Variants in TPRG1 observed in about 807,000 individuals in gnomAD.
TPRG1 encodes tumor protein p63-regulated gene 1 protein.
TPRG1 carries 29 observed loss-of-function variants against 29.3 expected under a neutral mutation model. The observed-to-expected ratio is 0.99, with a 90% CI of 0.74 to 1.35. TPRG1 has a LOEUF of 1.35. TPRG1 is among the 40% of genes most tolerant of loss of function. The pLI, the probability that TPRG1 is intolerant of heterozygous loss-of-function variation, is 0.00. For missense variants in TPRG1, 327 were observed against 335.0 expected (o/e 0.98, Z 0.19); for synonymous variants, 130 against 116.8 (o/e 1.11, Z -0.73).
At chr3:189,070,274 C>T (rs1716731518) in intron 4 of TPRG1, among the ~76,000 whole-genome samples, 2 of 151,888 alleles carry the variant, frequency 1.3e-5, no homozygotes, top group African/African-American at 2.4e-5. Context: ...GAGGTATAGG[C>T]AGGAGAGGGG....
chr3:189,140,267 G>A lies in TPRG1; in HGVS notation c.-290-7317G>A, dbSNP rs528047545. On this transcript the variant is annotated intron_variant, in intron 3 of 6. Transcript: ENST00000412373. Reference sequence around the variant, plus strand: ...ATAAGCAGTCTTTGTGGCTAAAAGCGTAGGCTCCTGAAGTGGATGGACTTA... The same window carrying A: ...ATAAGCAGTCTTTGTGGCTAAAAGCATAGGCTCCTGAAGTGGATGGACTTA... Among the ~76,000 whole-genome samples, 4 of 152,282 alleles carry A rather than the reference G, an allele frequency of 2.6e-5. 1 individual carries two copies. The highest frequency in any genetic ancestry group is 4.1e-4 in the South Asian group (2 of 4,822).
intron 3 of TPRG1, among the ~76,000 whole-genome samples, chr3:189,232,774 A>G (rs1329400324): frequency 6.6e-6 from 1 of 152,170 alleles, no homozygotes; most frequent in East Asian, 1.9e-4. Flanking sequence ...TATTTTAAGC[A>G]AATTGGAAAG....
chr3:189,052,760 A>T (rs979433494), intron 4 of TPRG1, among the ~76,000 whole-genome samples: 1 of 152,226 alleles, frequency 6.6e-6, no homozygotes, highest in African/African-American at 2.4e-5. Context: ...AGCCATAAAA[A>T]GGAATGAATT....
chr3:189,092,320 G>A (rs952129130), intron 4 of TPRG1, among the ~76,000 whole-genome samples: 3 of 152,118 alleles, frequency 2.0e-5, no homozygotes, highest in African/African-American at 7.2e-5. Flanking sequence ...AAGCTCCCAG[G>A]TGATGGTGAT....
chr3:189,079,867 G>A (rs577344777), intron 4 of TPRG1, among the ~76,000 whole-genome samples: 8 of 152,274 alleles, frequency 5.3e-5, no homozygotes, highest in Admixed American at 3.3e-4. Flanking sequence ...CATCTGACTC[G>A]TAACCAAGTA....
chr3:189,230,948 G>A (rs913932111), intron 3 of TPRG1, among the ~76,000 whole-genome samples: 4 of 152,032 alleles, frequency 2.6e-5, no homozygotes, highest in African/African-American at 4.8e-5. Flanking sequence ...ATGGGGGCTC[G>A]TATTTGCCTC....
At chr3:189,009,782 C>G (rs1712497329) in intron 3 of TPRG1, among the ~76,000 whole-genome samples, 1 of 151,550 alleles carries the variant, frequency 6.6e-6, no homozygotes, top group Non-Finnish European at 1.5e-5. Context: ...AATTCTCTCT[C>G]TTTTTTTTAT....
chr3:189,224,579 A>G (rs185200049), intron 3 of TPRG1, among the ~76,000 whole-genome samples: 1 of 152,352 alleles, frequency 6.6e-6, no homozygotes, highest in East Asian at 1.9e-4. Context: ...AAACAGTTCA[A>G]TGTGGCTGGA....
intron 4 of TPRG1, among the ~76,000 whole-genome samples, chr3:189,056,042 T>C (rs1715661504): frequency 1.4e-5 from 1 of 72,560 alleles, no homozygotes. Flanking sequence ...CCTTCCTTCC[T>C]TCCTTCCTTC....
upstream of TPRG1, among the ~76,000 whole-genome samples, chr3:189,097,971 G>C (rs1445458097): frequency 2.6e-5 from 4 of 152,114 alleles, no homozygotes; most frequent in African/African-American, 9.7e-5. Flanking sequence ...GTTTGTACTA[G>C]ATCTATACCG....
At chr3:189,202,893 G>A (rs990444102) in intron 1 of TPRG1, among the ~76,000 whole-genome samples, 1 of 152,198 alleles carries the variant, frequency 6.6e-6, no homozygotes, top group African/African-American at 2.4e-5. Flanking sequence ...CAGTTTGCCA[G>A]TGCATGAGTT....
chr3:189,220,895 T>C (rs1027122315), intron 3 of TPRG1, among the ~76,000 whole-genome samples: 1 of 152,184 alleles, frequency 6.6e-6, no homozygotes, highest in African/African-American at 2.4e-5. Flanking sequence ...AAAGTGCAAA[T>C]GTATATAACA....
In TPRG1 at chr3:189,262,774, A is replaced by G. The variant is rs531390536; in HGVS notation, c.479+23865A>G. Among the ~76,000 whole-genome samples, 157 of 152,306 alleles carry G rather than the reference A, an allele frequency of 1.0e-3. 1 individual carries two copies. Among genetic ancestry groups the G allele is most frequent in the Non-Finnish European group, 1.8e-3 (125 of 68,020 alleles). ...TGGGTCCTGCCACAGAGCTTCAATC[A>G]AAGTGTTGGGGCTGGGGGATGCTGT... On this transcript the variant is annotated intron_variant, in intron 4 of 5. Transcript: ENST00000345063.
intron 4 of TPRG1, among the ~76,000 whole-genome samples, chr3:189,064,979 A>C (rs1006840139): frequency 6.6e-6 from 1 of 152,152 alleles, no homozygotes; most frequent in Non-Finnish European, 1.5e-5. Flanking sequence ...GCTTGAGATT[A>C]GGAGTTTGAG....
chr3:189,226,203 CT>C (rs563542788), intron 3 of TPRG1, among the ~76,000 whole-genome samples: 84 of 152,270 alleles, frequency 5.5e-4, no homozygotes, highest in African/African-American at 2.0e-3. Context: ...AATGCACATT[CT>C]TTTTAAGCAT....
chr3:189,072,260 T>C (rs1716855200), intron 4 of TPRG1, among the ~76,000 whole-genome samples: 1 of 152,224 alleles, frequency 6.6e-6, no homozygotes, highest in South Asian at 2.1e-4. Context: ...AGTTTTCCCA[T>C]AGTATGCTTT....
intron 4 of TPRG1, among the ~76,000 whole-genome samples, chr3:189,075,048 T>C (rs1490650175): frequency 6.6e-6 from 1 of 152,196 alleles, no homozygotes; most frequent in East Asian, 1.9e-4. Flanking sequence ...CCTGACCTCG[T>C]GATCCACCTA....
chr3:189,318,203 C>A (rs367986376), intron 5 of TPRG1, among the ~76,000 whole-genome samples: 71 of 152,224 alleles, frequency 4.7e-4, no homozygotes, highest in African/African-American at 1.7e-3. Flanking sequence ...TCCTAACATG[C>A]AGAAGACATT....
chr3:189,104,642 A>G (rs1046996083), intron 1 of TPRG1, among the ~76,000 whole-genome samples: 3 of 151,898 alleles, frequency 2.0e-5, no homozygotes, highest in Admixed American at 1.3e-4. Flanking sequence ...ACTGGAGATT[A>G]AGAACCCTCG....
Sources: allele counts gnomAD v4.1 joint callset (sites outside exome capture counted in the v4.1 genomes callset), GRCh38; gene constraint gnomAD v4.1.1; transcripts MANE v1.5; gene names NCBI Gene and HGNC (gene_info 2026-07-23, HGNC 2026-07-21).